SF3B6: variants seen among roughly 807,000 people sequenced by gnomAD.
The protein encoded by SF3B6 is splicing factor 3b subunit 6, also known as SF3b 14 kDa subunit.
A neutral mutation model predicts 15.9 loss-of-function variants in SF3B6; 3 were observed. The observed-to-expected ratio is 0.19, with a 90% CI of 0.09 to 0.49. The LOEUF (loss-of-function observed/expected upper bound fraction) is 0.49. Ranked by LOEUF, SF3B6 falls within the 20% of genes least tolerant of loss-of-function variation. The pLI, the probability that SF3B6 is intolerant of heterozygous loss-of-function variation, is 0.97. For synonymous variants in SF3B6, 49 were observed against 51.1 expected (o/e 0.96, Z 0.18); for missense variants, 71 against 154.3 (o/e 0.46, Z 2.86).
At position 24,075,355 on chromosome 2, in the gene SF3B6, TTCTG is replaced by T. The variant is rs775124426; in HGVS notation, c.30+841_30+844del. ...GTCTTTTCTTTCTTTCTTTCTTTCT[TTCTG>T]TTTTTTTTTTTTTTTTTGAGTCAGG... On this transcript the variant is annotated intron_variant, in intron 1 of 3. Transcript: ENST00000233468. Among the ~76,000 whole-genome samples the T allele has an allele frequency of 3.3e-3, 261 of 79,712 alleles. 2 individuals carry two copies. The highest frequency in any genetic ancestry group is 8.2e-3 in the African/African-American group (191 of 23,350). The allele number at this position is 79,712 out of a possible 152,430, so 52.3% of individuals were successfully genotyped here.
chr2:24,068,684 C>T (rs576606773), intron 2 of SF3B6, among the ~76,000 whole-genome samples: 1 of 152,320 alleles, frequency 6.6e-6, no homozygotes, highest in South Asian at 2.1e-4. Context: ...TTTTGTTCTT[C>T]GTTTTTATCT....
At chr2:24,070,983 T>C (rs1183689175) in intron 2 of SF3B6, among the ~76,000 whole-genome samples, 1 of 152,102 alleles carries the variant, frequency 6.6e-6, no homozygotes, top group African/African-American at 2.4e-5. Flanking sequence ...AAATATGAAA[T>C]CATTATAAAT....
chr2:24,075,637 G>T (rs997054540), intron 1 of SF3B6, among the ~76,000 whole-genome samples: 1 of 151,382 alleles, frequency 6.6e-6, no homozygotes, highest in Non-Finnish European at 1.5e-5. Flanking sequence ...TAGAATGTAA[G>T]CAGAAGGACT....
At chr2:24,068,159 TTCACC>T (rs1377208671) in intron 3 of SF3B6, among the ~76,000 whole-genome samples, 157 bp downstream of exon 3, 1 of 152,152 alleles carries the variant, frequency 6.6e-6, no homozygotes, top group Non-Finnish European at 1.5e-5. Flanking sequence ...CAGACGGGGT[TTCACC>T]GTGTTAGCCA....
At chr2:24,076,119 G>A in intron 1 of SF3B6, 81 bp downstream of exon 1, 10 of 1,558,462 alleles carry the variant, frequency 6.4e-6, no homozygotes, top group South Asian at 1.1e-5. Context: ...GACGGAGGAG[G>A]AGCAAGAATG....
At chr2:24,072,164 T>A (rs1305811332) in intron 2 of SF3B6, among the ~76,000 whole-genome samples, 1 of 151,944 alleles carries the variant, frequency 6.6e-6, no homozygotes, top group Admixed American at 6.6e-5. Context: ...TTTTGTATTT[T>A]TTTTTAGAGA....
Position 24,075,238 on chromosome 2 carries a change from C to A in SF3B6, c.30+962G>T, listed in dbSNP as rs139852221. On this transcript the variant is annotated intron_variant, in intron 1 of 3. Transcript: ENST00000233468. Reference sequence around the variant, plus strand: ...TTTCTCAACTTCCACCATCTTTTCACCCCACTGCAATCAAGTTTTCATCCA... The same window carrying A: ...TTTCTCAACTTCCACCATCTTTTCAACCCACTGCAATCAAGTTTTCATCCA... Among the ~76,000 whole-genome samples, 179 of 152,278 alleles carry A rather than the reference C, an allele frequency of 1.2e-3. 2 individuals are homozygous for A. Among genetic ancestry groups the A allele is most frequent in the African/African-American group, 4.1e-3 (172 of 41,548 alleles).
rs745611966 is a variant in SF3B6 at position 24,074,210 on chromosome 2, C to G, written c.31-16G>C. 7.4e-7 allele frequency: 1 copy of G among 1,357,634 alleles called. No individual in the cohort carries two copies. The highest frequency in any genetic ancestry group is 1.8e-5 in the Admixed American group (1 of 54,460). 84.1% of individuals were successfully genotyped at this position (1,357,634 alleles called of 1,614,324 possible). A position where few individuals can be genotyped will look rare whatever the true frequency, so the allele number is the denominator to read the frequency against. ...GAAGTCGAATCTAAAATGAGAAATACGTATTGTTATTATAATTAGGGGCAT... is the reference window on the plus strand; with the variant it reads ...GAAGTCGAATCTAAAATGAGAAATAGGTATTGTTATTATAATTAGGGGCAT... On this transcript the variant is annotated splice_polypyrimidine_tract_variant and intron_variant, in intron 1 of 3. Coordinates refer to ENST00000233468, the MANE Select transcript of SF3B6 (RefSeq NM_016047.4).
At chr2:24,069,094 G>A (rs1573706587) in intron 2 of SF3B6, among the ~76,000 whole-genome samples, 1 of 152,190 alleles carries the variant, frequency 6.6e-6, no homozygotes, top group East Asian at 1.9e-4. Context: ...TGATCCGCCT[G>A]CCTCAGCCTC....
rs564807640 is a variant in SF3B6, at chr2:24,068,978, C to G, written c.150-519G>C. Among the ~76,000 whole-genome samples the G allele has an allele frequency of 3.9e-5, 6 of 152,274 alleles. No individual in the cohort carries two copies. In the South Asian group the frequency reaches 1.2e-3, roughly 32 times the overall value. ...TCTTGTGTCTCAGCCTCCCAAGTAG[C>G]TGGGACTGGAGGCATGTGCCACCAT... On this transcript the variant is annotated intron_variant, in intron 2 of 3. Coordinates refer to ENST00000233468, the MANE Select transcript of SF3B6 (RefSeq NM_016047.4).
At chr2:24,068,222 C>CA (rs763862796) in intron 3 of SF3B6, 99 bp downstream of exon 3, 70 of 1,285,304 alleles carry the variant, frequency 5.4e-5, no homozygotes, top group Non-Finnish European at 7.5e-5. Context: ...CTCGGCCTCC[C>CA]AAAATGCTGG....
chr2:24,069,480 C>T (rs1179872154), intron 2 of SF3B6, among the ~76,000 whole-genome samples: 1 of 152,162 alleles, frequency 6.6e-6, no homozygotes, highest in African/African-American at 2.4e-5. Context: ...GGGTAGAGGT[C>T]CCACTCAGTT....
chr2:24,072,224 G>A (rs1013717710), intron 2 of SF3B6, among the ~76,000 whole-genome samples: 1 of 152,100 alleles, frequency 6.6e-6, no homozygotes, highest in African/African-American at 2.4e-5. Flanking sequence ...AACCTCTGGT[G>A]ATCTGCCTGT....
At chr2:24,071,239 C>T (rs1018893680) in intron 2 of SF3B6, among the ~76,000 whole-genome samples, 6 of 152,206 alleles carry the variant, frequency 3.9e-5, no homozygotes, top group Non-Finnish European at 8.8e-5. Context: ...GATCTGCCCA[C>T]TTCAGCCTTC....
intron 3 of SF3B6, 99 bp downstream of exon 3, chr2:24,068,222 C>G: frequency 7.8e-7 from 1 of 1,285,422 alleles, no homozygotes; most frequent in Non-Finnish European, 1.1e-6. Flanking sequence ...CTCGGCCTCC[C>G]AAAATGCTGG....
chr2:24,074,214 T>C lies in SF3B6; in HGVS notation c.31-20A>G. The C allele has an allele frequency of 7.5e-7, 1 of 1,330,256 alleles. No homozygotes were observed. Among genetic ancestry groups the C allele is most frequent in the Non-Finnish European group, 1.1e-6 (1 of 934,282 alleles). 82.4% of individuals were successfully genotyped at this position (1,330,256 alleles called of 1,614,324 possible). ...TCGAATCTAAAATGAGAAATACGTA[T>C]TGTTATTATAATTAGGGGCATTCTA... is the stretch of plus-strand genomic sequence containing the variant. On this transcript the variant is annotated intron_variant, in intron 1 of 3. Transcript: ENST00000233468.
At chr2:24,071,092 A>C (rs915376040) in intron 2 of SF3B6, among the ~76,000 whole-genome samples, 9 of 152,070 alleles carry the variant, frequency 5.9e-5, no homozygotes, top group Non-Finnish European at 1.0e-4. Context: ...TCCCGGGTTC[A>C]AGCGGCTCTC....
chr2:24,068,462 G>A lies in SF3B6; in HGVS notation c.150-3C>T. The A allele has an allele frequency of 6.2e-7, 1 of 1,604,920 alleles. No individual in the cohort carries two copies. Among genetic ancestry groups the A allele is most frequent in the Non-Finnish European group, 8.5e-7 (1 of 1,176,262 alleles). ...CTCTAGTTTCAGGTGTGTTCCCCCT[G>A]GAGAGGTAAGTTAAACTTAATTAAG... is the stretch of plus-strand genomic sequence containing the variant. On this transcript the variant is annotated splice_polypyrimidine_tract_variant and splice_region_variant and intron_variant, in intron 2 of 3. Coordinates refer to ENST00000233468, the MANE Select transcript of SF3B6 (RefSeq NM_016047.4).
Position 24,075,583 on chromosome 2 carries a change from T to G in SF3B6, c.30+617A>C, listed in dbSNP as rs187599141. On this transcript the variant is annotated intron_variant, in intron 1 of 3. Transcript: ENST00000233468. ...ACTGTTGACTAATCTCTTTTTTGAG[T>G]TTTTTTTTTTTAAAAGTTTCCGTAA... 8.2e-3 allele frequency among the ~76,000 whole-genome samples: 951 copies of G among 115,490 alleles called. 3 individuals carry two copies. Among genetic ancestry groups the G allele is most frequent in the Non-Finnish European group, 0.011 (657 of 62,148 alleles). The allele number at this position is 115,490 out of a possible 152,430, so 75.8% of individuals were successfully genotyped here. A position where few individuals can be genotyped will look rare whatever the true frequency, so the allele number is the denominator to read the frequency against.
Sources: allele counts gnomAD v4.1 joint callset (sites outside exome capture counted in the v4.1 genomes callset), GRCh38; gene constraint gnomAD v4.1.1; transcripts MANE v1.5; gene names NCBI Gene and HGNC (gene_info 2026-07-23, HGNC 2026-07-21).